Variants in ACTG2 observed in about 807,000 individuals in gnomAD.
The protein encoded by ACTG2 is actin gamma 2, smooth muscle.
Under a neutral mutation model 37.6 loss-of-function variants are expected in ACTG2, and 16 were observed. The observed-to-expected ratio is 0.43, with a 90% CI of 0.29 to 0.65. The LOEUF is 0.65. Among genes scored for constraint, ACTG2 ranks in the 30% least tolerant of loss-of-function variants. The pLI is 0.18. For missense variants in ACTG2, 238 were observed against 490.9 expected (o/e 0.48, Z 4.87); for synonymous variants, 181 against 179.9 (o/e 1.01, Z -0.05).
intron 5 of ACTG2, among the ~76,000 whole-genome samples, chr2:73,910,202 G>A (rs3107863): frequency 0.6 from 91,022 of 150,764 alleles, 28,412 homozygotes; most frequent in Admixed American, 0.72. Flanking sequence ...GTGACAGAGC[G>A]AGACTCCGTC....
intron 3 of ACTG2, chr2:73,902,762 A>G: frequency 6.5e-7 from 1 of 1,550,112 alleles, no homozygotes; most frequent in Non-Finnish European, 8.7e-7. Context: ...ATCTTTCTAA[A>G]CACAGGTCAG....
At chr2:73,898,943 C>T (rs1029453285) in intron 1 of ACTG2, among the ~76,000 whole-genome samples, 21 of 151,628 alleles carry the variant, frequency 1.4e-4, no homozygotes, top group Admixed American at 1.3e-3. Flanking sequence ...GCTGGGACTA[C>T]AGGCGCCCGC....
At chr2:73,896,530 A>G (rs564052999) in intron 1 of ACTG2, among the ~76,000 whole-genome samples, 50 of 152,094 alleles carry the variant, frequency 3.3e-4, no homozygotes, top group African/African-American at 1.1e-3. Flanking sequence ...GAAGGAAGGG[A>G]CTGGGCTGTG....
chr2:73,909,154 A>C lies in ACTG2; in HGVS notation c.451+15A>C, dbSNP rs1170462280. ...CCGCACGACAGGTGAGTAATCCTGT[A>C]ATCCATTCCTTTTCTGACTTCAGGG... On this transcript the variant is annotated intron_variant, in intron 5 of 8. Coordinates refer to ENST00000345517, the MANE Select transcript of ACTG2 (RefSeq NM_001615.4). 1 of 1,603,076 alleles carries C rather than the reference A, an allele frequency of 6.2e-7. No individual in the cohort carries two copies. Among genetic ancestry groups the C allele is most frequent in the Admixed American group, 1.7e-5 (1 of 59,994 alleles).
At chr2:73,906,164 A>G (rs1185465432) in intron 3 of ACTG2, among the ~76,000 whole-genome samples, 1 of 152,038 alleles carries the variant, frequency 6.6e-6, no homozygotes, top group African/African-American at 2.4e-5. Flanking sequence ...CATTAAAAAA[A>G]ATTTTGGCCG....
chr2:73,908,631 A>C (rs1382994345), intron 3 of ACTG2, 42 bp from the exon 4 acceptor site: 1 of 1,505,398 alleles, frequency 6.6e-7, no homozygotes, highest in Non-Finnish European at 9.1e-7. Context: ...TTTTCCAGCC[A>C]TTGGGAGTCT....
At chr2:73,913,738 C>G in intron 6 of ACTG2, 92 bp downstream of exon 6, 1 of 1,188,570 alleles carries the variant, frequency 8.4e-7, no homozygotes, top group Non-Finnish European at 1.2e-6. Flanking sequence ...TTCTGTGACT[C>G]TGTGTCTTTA....
In ACTG2 at chr2:73,913,577, G is replaced by T. The variant is rs943848925; in HGVS notation, c.544G>T (p.Ala182Ser). The stretch of plus-strand genomic sequence containing the variant: ...CCATGCCATCATGCGCCTGGACTTG[G>T]CTGGCCGTGACCTCACGGACTACCT... ...LPHAIMRLDL[A>S]GRDLTDYLMK... Residue 182 changes from alanine (A) to serine (S), a missense_variant, in exon 6 of 9, where the codon GCT becomes TCT. Ala to Ser is a moderately conservative substitution (Grantham distance 99). Coordinates refer to ENST00000345517, the MANE Select transcript of ACTG2 (RefSeq NM_001615.4). 2 of 1,613,846 alleles carry T rather than the reference G, an allele frequency of 1.2e-6. No individual in the cohort carries two copies. The highest frequency in any genetic ancestry group is 1.7e-6 in the Non-Finnish European group (2 of 1,179,932).
At chr2:73,899,286 ACT>A (rs1399688092) in intron 1 of ACTG2, among the ~76,000 whole-genome samples, 3 of 151,628 alleles carry the variant, frequency 2.0e-5, no homozygotes, top group African/African-American at 4.8e-5. Context: ...ACAGAGGGAG[ACT>A]CTGTTTCTAC....
chr2:73,914,065 A>T (rs888653719), intron 6 of ACTG2, among the ~76,000 whole-genome samples: 2 of 152,202 alleles, frequency 1.3e-5, no homozygotes, highest in South Asian at 2.1e-4. Flanking sequence ...AAGATCAAAC[A>T]TCTGAGTCTA....
At chr2:73,909,550 G>A (rs1339328608) in intron 5 of ACTG2, among the ~76,000 whole-genome samples, 3 of 152,182 alleles carry the variant, frequency 2.0e-5, no homozygotes, top group African/African-American at 4.8e-5. Flanking sequence ...ACATCAGAGA[G>A]TGTACTTGCA....
At chr2:73,909,439 G>T (rs1680081610) in intron 5 of ACTG2, among the ~76,000 whole-genome samples, 1 of 152,200 alleles carries the variant, frequency 6.6e-6, no homozygotes, top group South Asian at 2.1e-4. Flanking sequence ...AGAAAGAGTA[G>T]AACCTGTGGT....
At chr2:73,912,610 C>T (rs543733966) in intron 5 of ACTG2, among the ~76,000 whole-genome samples, 3 of 152,202 alleles carry the variant, frequency 2.0e-5, no homozygotes, top group Non-Finnish European at 4.4e-5. Context: ...GGTCCTTACA[C>T]AAGAGTAAGT....
chr2:73,902,678 A>C, intron 3 of ACTG2, 190 bp downstream of exon 3: 2 of 1,551,818 alleles, frequency 1.3e-6, no homozygotes, highest in Non-Finnish European at 1.7e-6. Flanking sequence ...GGACTATTGC[A>C]ATGGCTTCCT....
chr2:73,911,758 C>T (rs1009022616), intron 5 of ACTG2, among the ~76,000 whole-genome samples: 2 of 152,102 alleles, frequency 1.3e-5, no homozygotes, highest in Non-Finnish European at 2.9e-5. Flanking sequence ...GTATGTGGTC[C>T]GAAGTTGACC....
chr2:73,905,986 A>G (rs1223233380), intron 3 of ACTG2, among the ~76,000 whole-genome samples: 2 of 151,462 alleles, frequency 1.3e-5, no homozygotes, highest in Non-Finnish European at 2.9e-5. Context: ...AATTTGTTAT[A>G]AAAACAAATT....
intron 7 of ACTG2, among the ~76,000 whole-genome samples, chr2:73,915,830 GCAAACCTCTAAAGA>G (rs1680255402): frequency 6.6e-6 from 1 of 152,172 alleles, no homozygotes; most frequent in African/African-American, 2.4e-5. Context: ...TCCAGAATAG[GCAAACCTCTAAAGA>G]CAGAAAGTGG....
intron 3 of ACTG2, among the ~76,000 whole-genome samples, chr2:73,907,097 C>T (rs1187978220): frequency 1.3e-5 from 2 of 152,214 alleles, no homozygotes; most frequent in African/African-American, 4.8e-5. Flanking sequence ...CTTCTTTTGC[C>T]CTCAAGGCCC....
intron 1 of ACTG2, 38 bp downstream of exon 1, chr2:73,893,089 G>A (rs1000399666): frequency 2.6e-5 from 4 of 152,324 alleles, no homozygotes; most frequent in East Asian, 1.9e-4. Context: ...CTTCCTTTCC[G>A]GGGCTGCCTG....
Sources: allele counts gnomAD v4.1 joint callset (sites outside exome capture counted in the v4.1 genomes callset), GRCh38; gene constraint gnomAD v4.1.1; transcripts MANE v1.5; gene names NCBI Gene and HGNC (gene_info 2026-07-23, HGNC 2026-07-21).